FOXP4: variants seen among roughly 807,000 people sequenced by gnomAD.
The protein encoded by FOXP4 is forkhead box P4.
In FOXP4, 25 loss-of-function variants were observed where a neutral mutation model predicts 82.6. The observed-to-expected ratio is 0.30, with a 90% CI of 0.22 to 0.42. FOXP4 has a LOEUF of 0.42. Ranked by LOEUF, FOXP4 falls within the 10% of genes least tolerant of loss-of-function variation. The pLI is 1.00. For synonymous variants in FOXP4, 415 were observed against 388.2 expected (o/e 1.07, Z -0.81); for missense variants, 785 against 900.9 (o/e 0.87, Z 1.65).
intron 13 of FOXP4, among the ~76,000 whole-genome samples, chr6:41,592,448 A>G (rs925505330): frequency 3.3e-5 from 5 of 152,098 alleles, no homozygotes; most frequent in African/African-American, 7.2e-5. Context: ...TTTTCTGCCA[A>G]CCACATTCCT....
At chr6:41,589,448 G>A (rs1259467866) in intron 9 of FOXP4, among the ~76,000 whole-genome samples, 7 of 152,152 alleles carry the variant, frequency 4.6e-5, no homozygotes, top group Non-Finnish European at 7.4e-5. Flanking sequence ...CACAGTGGCC[G>A]CCCCCCCGTG....
chr6:41,589,918 C>T, intron 10 of FOXP4, 45 bp from the exon 11 acceptor site: 2 of 1,610,950 alleles, frequency 1.2e-6, no homozygotes, highest in Non-Finnish European at 1.7e-6. Flanking sequence ...CCTCGGGACC[C>T]CCACCCTCGG....
At chr6:41,579,747 C>G (rs1398958649) in intron 3 of FOXP4, among the ~76,000 whole-genome samples, 3 of 152,192 alleles carry the variant, frequency 2.0e-5, no homozygotes, top group Admixed American at 2.0e-4. Context: ...CTTCTCTCTC[C>G]TTGTCTCATT....
At chr6:41,567,993 C>T (rs1248638835) in intron 2 of FOXP4, among the ~76,000 whole-genome samples, 1 of 152,212 alleles carries the variant, frequency 6.6e-6, no homozygotes, top group Non-Finnish European at 1.5e-5. Flanking sequence ...TGGCTCCAAA[C>T]TATGAAAAGA....
intron 3 of FOXP4, among the ~76,000 whole-genome samples, chr6:41,579,922 A>T (rs535252972): frequency 6.6e-6 from 1 of 152,284 alleles, no homozygotes; most frequent in Non-Finnish European, 1.5e-5. Context: ...GAGAGGTGCT[A>T]TTCTAGCCCC....
Position 41,590,162 on chromosome 6 carries a change from TCTC to T in FOXP4, c.1353_1355del (p.Ser452del). 4 of 1,605,232 alleles carry T rather than the reference TCTC, an allele frequency of 2.5e-6. No homozygotes were observed. The highest frequency in any genetic ancestry group is 3.4e-6 in the Non-Finnish European group (4 of 1,173,816). ...AGCAGTGACAAGTTCTGCTCCCCCATCTCCTCAGGTGAGGGTGGGCTGGGGGCT... is the reference window on the plus strand; with the variant it reads ...AGCAGTGACAAGTTCTGCTCCCCCATCTCAGGTGAGGGTGGGCTGGGGGCT... On this transcript the variant is annotated inframe_deletion, in exon 11 of 17. Transcript: ENST00000307972.
intron 1 of FOXP4, among the ~76,000 whole-genome samples, chr6:41,560,346 G>A (rs1170195583): frequency 6.6e-6 from 1 of 152,318 alleles, no homozygotes; most frequent in South Asian, 2.1e-4. Flanking sequence ...CAACTTACAG[G>A]GTCAGGCTGT....
chr6:41,570,896 C>T (rs528676845), intron 2 of FOXP4, among the ~76,000 whole-genome samples: 1 of 152,308 alleles, frequency 6.6e-6, no homozygotes, highest in East Asian at 1.9e-4. Context: ...CCTGGGGGAG[C>T]ACCTTTATTC....
In FOXP4 at chr6:41,591,100, G is replaced by A. The variant is rs1214681507; in HGVS notation, c.1435-121G>A. 2.9e-5 allele frequency: 22 copies of A among 766,228 alleles called. No individual in the cohort carries two copies. Among genetic ancestry groups the A allele is most frequent in the Non-Finnish European group, 4.4e-5 (20 of 450,096 alleles). The allele number at this position is 766,228 out of a possible 1,614,324, so 47.5% of individuals were successfully genotyped here. A position where few individuals can be genotyped will look rare whatever the true frequency, so the allele number is the denominator to read the frequency against. On this transcript the variant is annotated intron_variant, in intron 12 of 16. Coordinates refer to ENST00000307972, the MANE Select transcript of FOXP4 (RefSeq NM_001012426.2). The surrounding 1 kb of genome is among the most constrained non-coding windows in gnomAD (Gnocchi z 4.2). ...CTTGTTATCCACACATTTCTGAGCA[G>A]GTCTTCTCACAAAGTGAACTCGGGG...
Position 41,547,102 on chromosome 6 carries a change from C to G in FOXP4, c.-17+235C>G, listed in dbSNP as rs544262204. Among the ~76,000 whole-genome samples the G allele has an allele frequency of 8.6e-5, 13 of 151,880 alleles. No homozygotes were observed. The East Asian group carries it at 2.5e-3, about 30-fold the overall frequency. ...CCCCGCGCAGCCGCGACATTCCGCC[C>G]CTGGCCCGGGCCCCAGCGGGCCGGA... On this transcript the variant is annotated intron_variant, in intron 1 of 16. Transcript: ENST00000307972.
At chr6:41,583,789 G>A (rs907464932) in intron 3 of FOXP4, among the ~76,000 whole-genome samples, 2 of 152,194 alleles carry the variant, frequency 1.3e-5, no homozygotes, top group Non-Finnish European at 2.9e-5. Context: ...GTTCAGGGGA[G>A]GTGGGGCTGG....
chr6:41,586,986 C>A, intron 5 of FOXP4, 23 bp from the exon 6 acceptor site: 1 of 1,557,224 alleles, frequency 6.4e-7, no homozygotes. Context: ...CCTCTCTGCC[C>A]GCCCCCTCGG....
At chr6:41,594,216 C>A (rs952524841) in intron 13 of FOXP4, among the ~76,000 whole-genome samples, 1 of 151,776 alleles carries the variant, frequency 6.6e-6, no homozygotes, top group South Asian at 2.1e-4. Context: ...TCTTTCTCTC[C>A]TCTTTCTGCC....
At chr6:41,574,994 A>C (rs1312549893) in intron 2 of FOXP4, among the ~76,000 whole-genome samples, 1 of 151,800 alleles carries the variant, frequency 6.6e-6, no homozygotes, top group African/African-American at 2.4e-5. Context: ...TTTGAGATGG[A>C]GTCTTGCTCT....
intron 1 of FOXP4, among the ~76,000 whole-genome samples, chr6:41,561,499 G>A (rs190684511): frequency 1.3e-5 from 2 of 152,184 alleles, no homozygotes; most frequent in South Asian, 4.1e-4. Context: ...AAACCAGATG[G>A]TCTAATTCTC....
At position 41,591,873 on chromosome 6, in the gene FOXP4, C is replaced by T. The variant is rs889971978; in HGVS notation, c.1536+551C>T. 1.3e-5 allele frequency among the ~76,000 whole-genome samples: 2 copies of T among 152,202 alleles called. No individual in the cohort carries two copies. The highest frequency in any genetic ancestry group is 4.8e-5 in the African/African-American group (2 of 41,444). ...ATTGTCTCCATCCAATTAGTCATTT[C>T]AACACCTTCAGCCATAAGTTTTCCT... On this transcript the variant is annotated intron_variant, in intron 13 of 16. Transcript: ENST00000307972. The surrounding 1 kb of genome is among the most constrained non-coding windows in gnomAD (Gnocchi z 4.2).
rs1016900608 is a variant in FOXP4 at position 41,558,909 on chromosome 6, T to A, written c.-16-6836T>A. 1.3e-5 allele frequency among the ~76,000 whole-genome samples: 2 copies of A among 152,226 alleles called. No individual in the cohort carries two copies. Among genetic ancestry groups the A allele is most frequent in the Non-Finnish European group, 2.9e-5 (2 of 68,038 alleles). On this transcript the variant is annotated intron_variant, in intron 1 of 16. Coordinates refer to ENST00000307972, the MANE Select transcript of FOXP4 (RefSeq NM_001012426.2). This position sits in a 1 kb window ranked among gnomAD's most constrained non-coding sequence, Gnocchi z 4.0. ...ACAAACAAATAGAGAAAGAAGGAAC[T>A]AGAAGACATCCTTGTGCTCTGGTAT...
intron 2 of FOXP4, among the ~76,000 whole-genome samples, chr6:41,575,928 T>C (rs1427477581): frequency 6.6e-6 from 1 of 151,778 alleles, no homozygotes; most frequent in Non-Finnish European, 1.5e-5. Context: ...CTACTCTACC[T>C]CCACCTTTGG....
intron 1 of FOXP4, among the ~76,000 whole-genome samples, chr6:41,561,099 C>T (rs945404015): frequency 1.3e-5 from 2 of 152,224 alleles, no homozygotes; most frequent in African/African-American, 2.4e-5. Context: ...GAGCCCCCAG[C>T]GGCCCGCAGA....
Sources: allele counts gnomAD v4.1 joint callset (sites outside exome capture counted in the v4.1 genomes callset), GRCh38; gene constraint gnomAD v4.1.1; non-coding constraint Gnocchi (gnomAD v3.1); transcripts MANE v1.5; gene names NCBI Gene and HGNC (gene_info 2026-07-23, HGNC 2026-07-21).